Variants in BCHE observed in about 807,000 individuals in gnomAD.
BCHE encodes butyrylcholinesterase.
Under a neutral mutation model 51.3 loss-of-function variants are expected in BCHE, and 48 were observed. The ratio of observed to expected loss-of-function variants is 0.94; its 90% CI spans 0.74 to 1.19. The LOEUF (loss-of-function observed/expected upper bound fraction) is 1.19, where lower values mean the gene tolerates loss of function less well. Ranked by LOEUF, BCHE falls within the 50% of genes most tolerant of loss-of-function variation. BCHE has a pLI of 0.00. For missense variants in BCHE, 847 were observed against 708.2 expected, an observed-to-expected ratio of 1.20 and a Z score of -2.23; for synonymous variants, 251 against 238.0, an observed-to-expected ratio of 1.05 and a Z score of -0.50.
chr3:165,782,111 A>G (rs1190029970), intron 3 of BCHE, among the ~76,000 whole-genome samples: 1 of 152,154 alleles, frequency 6.6e-6, no homozygotes, highest in African/African-American at 2.4e-5. Flanking sequence ...ACATGAATAT[A>G]TCACATATAT....
At chr3:165,804,887 T>C (rs1448155894) in intron 2 of BCHE, among the ~76,000 whole-genome samples, 1 of 152,168 alleles carries the variant, frequency 6.6e-6, no homozygotes, top group Non-Finnish European at 1.5e-5. Context: ...TATTTAAACA[T>C]AAACAAGGTT....
At position 165,830,440 on chromosome 3, in the gene BCHE, A is replaced by C. The variant is rs781368801; in HGVS notation, c.594T>G (p.Asp198Glu). Residue 198 changes from aspartate to glutamate, a missense_variant, in exon 2 of 4, where the codon GAT (aspartate) becomes GAG (glutamate). Asp to Glu is a conservative substitution (Grantham distance 45, BLOSUM62 2). Transcript: ENST00000264381. Reference sequence around the variant, plus strand: ...GAACCCACTGAAGAGCCAACTGTTGATCAAATAAACCCATGTTCCCTGGAG... The same window carrying C: ...GAACCCACTGAAGAGCCAACTGTTGCTCAAATAAACCCATGTTCCCTGGAG... The part of the protein sequence containing the change: ...PEAPGNMGLF[D>E]QQLALQWVQK... 89 of 1,613,642 alleles carry C rather than the reference A, an allele frequency of 5.5e-5. No individual in the cohort carries two copies. Among genetic ancestry groups the C allele is most frequent in the Non-Finnish European group, 7.0e-5 (83 of 1,179,886 alleles).
In BCHE at chr3:165,830,582, G is replaced by T; in HGVS notation, c.452C>A (p.Ser151Ter). 1 of 1,613,960 alleles carries T rather than the reference G, an allele frequency of 6.2e-7. No individual in the cohort carries two copies. Among genetic ancestry groups the T allele is most frequent in the African/African-American group, 1.3e-5 (1 of 75,038 alleles). ...IYGGGFQTGT[S>*]SLHVYDGKFL... ...CTTGCCATCATAAACATGTAAAGAT[G>T]ATGTTCCAGTTTGAAAACCACCACC... Residue 151 changes from serine (S) to a stop codon, truncating the protein, a stop_gained, in exon 2 of 4, where the codon TCA becomes TAA. Coordinates refer to ENST00000264381, the MANE Select transcript of BCHE (RefSeq NM_000055.4). LOFTEE classifies it high-confidence loss of function.
At chr3:165,817,580 T>A (rs1294525111) in intron 2 of BCHE, among the ~76,000 whole-genome samples, 1 of 152,160 alleles carries the variant, frequency 6.6e-6, no homozygotes, top group Non-Finnish European at 1.5e-5. Flanking sequence ...GTCTTAGAGG[T>A]TGTTCTCTCT....
intron 2 of BCHE, among the ~76,000 whole-genome samples, chr3:165,829,097 G>T (rs185599330): frequency 8.5e-5 from 13 of 152,218 alleles, no homozygotes; most frequent in Admixed American, 6.6e-4. Context: ...ATTACTTCAT[G>T]TATCAGGTAT....
chr3:165,793,201 A>G (rs1424800346), intron 2 of BCHE, among the ~76,000 whole-genome samples: 1 of 152,160 alleles, frequency 6.6e-6, no homozygotes, highest in African/African-American at 2.4e-5. Flanking sequence ...AGCTACACTA[A>G]CAATGTTACT....
intron 2 of BCHE, among the ~76,000 whole-genome samples, chr3:165,804,816 C>T (rs9790044): frequency 0.67 from 101,942 of 152,056 alleles, 35,652 homozygotes; most frequent in East Asian, 0.78. Flanking sequence ...AATTTATTCA[C>T]ATAGTGTGTA....
At chr3:165,828,761 T>C (rs1714828674) in intron 2 of BCHE, among the ~76,000 whole-genome samples, 1 of 152,136 alleles carries the variant, frequency 6.6e-6, no homozygotes, top group South Asian at 2.1e-4. Context: ...TTTCTATAGA[T>C]ACACATACAT....
At chr3:165,824,502 C>A (rs539778730) in intron 2 of BCHE, among the ~76,000 whole-genome samples, 1 of 152,056 alleles carries the variant, frequency 6.6e-6, no homozygotes, top group Non-Finnish European at 1.5e-5. Flanking sequence ...ACTATATGCT[C>A]CACATCTATT....
intron 2 of BCHE, among the ~76,000 whole-genome samples, chr3:165,812,493 G>A (rs1576858377): frequency 6.6e-6 from 1 of 151,882 alleles, no homozygotes; most frequent in East Asian, 1.9e-4. Context: ...AACAAATGGA[G>A]TGTTCCATGC....
Position 165,786,248 on chromosome 3 carries a change from T to C in BCHE, c.1581A>G (p.Lys527=). The C allele has an allele frequency of 6.2e-7, 1 of 1,612,274 alleles. No homozygotes were observed. Among genetic ancestry groups the C allele is most frequent in the Non-Finnish European group, 8.5e-7 (1 of 1,178,744 alleles). ...SWPVFKSTEQ[K]YLTLNTESTR... Reference sequence around the variant, plus strand: ...TTGACTCTGTATTCAAGGTTAGATATTTTTGTTCAGTGCTTTTGAAGACAG... The same window carrying C: ...TTGACTCTGTATTCAAGGTTAGATACTTTTGTTCAGTGCTTTTGAAGACAG... Residue 527 remains lysine, a synonymous_variant, in exon 3 of 4, where the codon AAA becomes AAG. Coordinates refer to ENST00000264381, the MANE Select transcript of BCHE (RefSeq NM_000055.4).
intron 2 of BCHE, among the ~76,000 whole-genome samples, chr3:165,814,488 T>C (rs1560016641): frequency 6.6e-6 from 1 of 152,112 alleles, no homozygotes; most frequent in Non-Finnish European, 1.5e-5. Context: ...AATCCTTACT[T>C]TCCTCAGCTC....
At chr3:165,799,656 A>G (rs1713562632) in intron 2 of BCHE, among the ~76,000 whole-genome samples, 1 of 152,152 alleles carries the variant, frequency 6.6e-6, no homozygotes, top group African/African-American at 2.4e-5. Context: ...AAACATATAT[A>G]CAGACTCGAG....
At chr3:165,825,595 AC>A (rs775335422) in intron 2 of BCHE, among the ~76,000 whole-genome samples, 31 of 152,160 alleles carry the variant, frequency 2.0e-4, no homozygotes, top group East Asian at 1.4e-3. Flanking sequence ...GTACATGTGC[AC>A]AACGTACAGC....
rs1269651187 is a variant in BCHE at position 165,830,800 on chromosome 3, G to A, written c.234C>T (p.Thr78=). 6.2e-7 allele frequency: 1 copy of A among 1,613,574 alleles called. No homozygotes were observed. Among genetic ancestry groups the A allele is most frequent in the South Asian group, 1.1e-5 (1 of 91,064 alleles). ...TGGCATTCCAAATATCAGACCACTT[G>A]GTCAGAGACTGTGGCTTTTTGAATC... The part of the protein sequence containing the change: ...RLRFKKPQSL[T]KWSDIWNATK... Residue 78 remains threonine (T), a synonymous_variant, in exon 2 of 4, where the codon ACC becomes ACT. Transcript: ENST00000264381.
intron 3 of BCHE, among the ~76,000 whole-genome samples, chr3:165,784,906 T>G (rs1159597079): frequency 6.6e-6 from 1 of 151,802 alleles, no homozygotes. Flanking sequence ...TCTTGGCATA[T>G]TAATGAGTTA....
At chr3:165,791,817 T>C (rs1009676319) in intron 2 of BCHE, among the ~76,000 whole-genome samples, 1 of 151,500 alleles carries the variant, frequency 6.6e-6, no homozygotes, top group Non-Finnish European at 1.5e-5. Flanking sequence ...CCCGATATGA[T>C]CATGCCTGTG....
intron 2 of BCHE, among the ~76,000 whole-genome samples, chr3:165,810,693 A>T (rs1233473305): frequency 6.6e-6 from 1 of 152,150 alleles, no homozygotes; most frequent in African/African-American, 2.4e-5. Flanking sequence ...TGGAGAATTA[A>T]GTTCCTCCAT....
chr3:165,777,412 AAT>A (rs764625442), intron 3 of BCHE, among the ~76,000 whole-genome samples: 7 of 151,810 alleles, frequency 4.6e-5, no homozygotes, highest in Non-Finnish European at 8.8e-5. Flanking sequence ...GTATTTAATA[AAT>A]ATATAAATAT....
Sources: gnomAD v4.1 joint callset for allele counts (sites outside exome capture counted in the v4.1 genomes callset) on GRCh38, gnomAD v4.1.1 for gene constraint, MANE v1.5 for transcripts, NCBI Gene and HGNC (gene_info 2026-07-23, HGNC 2026-07-21) for gene names.